The following LRRC4C variants were observed in gnomAD, a reference collection of about 807,000 sequenced individuals.
The protein encoded by LRRC4C is leucine rich repeat containing 4C.
Under a neutral mutation model 33.6 loss-of-function variants are expected in LRRC4C, and 5 were observed. That is an observed-to-expected ratio of 0.15 (90% CI 0.08 to 0.31). The LOEUF is 0.31. LRRC4C is among the 10% of genes least tolerant of loss of function. The probability of loss-of-function intolerance (pLI) is 1.00; values close to 1 mark genes in which losing one functional copy is unlikely to be tolerated. For synonymous variants in LRRC4C, 329 were observed against 302.0 expected (o/e 1.09, Z -0.93); for missense variants, 560 against 796.7 (o/e 0.70, Z 3.58).
In LRRC4C at chr11:41,058,889, A is replaced by G. The variant is rs376372036; in HGVS notation, c.-495-125166T>C. On this transcript the variant is annotated intron_variant, in intron 1 of 6. Transcript: ENST00000528697. ...ATATTATGCAGCCATAAAAATGGAG[A>G]TCATGTTGTTTGCAGGAATGTGAAT... 3.9e-5 allele frequency among the ~76,000 whole-genome samples: 6 copies of G among 152,328 alleles called. No individual in the cohort carries two copies. In the South Asian group the frequency reaches 6.2e-4, roughly 16 times the overall value.
chr11:41,209,036 T>C (rs1946713157), intron 1 of LRRC4C, among the ~76,000 whole-genome samples: 2 of 150,976 alleles, frequency 1.3e-5, no homozygotes, highest in African/African-American at 4.9e-5. Context: ...TAGGGGCCTA[T>C]TTGAAGGGGA....
chr11:41,309,724 C>G (rs1950596941), intron 1 of LRRC4C, among the ~76,000 whole-genome samples: 1 of 152,212 alleles, frequency 6.6e-6, no homozygotes. Context: ...TCCCTGCACA[C>G]TTCAAAGCCT....
At chr11:40,711,161 C>T (rs569753680) in intron 2 of LRRC4C, among the ~76,000 whole-genome samples, 10 of 152,298 alleles carry the variant, frequency 6.6e-5, no homozygotes, top group South Asian at 2.1e-4. Context: ...GGTGAAGTGA[C>T]GCCCTGCTCT....
intron 3 of LRRC4C, among the ~76,000 whole-genome samples, chr11:40,375,721 T>C (rs903021532): frequency 3.9e-5 from 6 of 152,150 alleles, no homozygotes; most frequent in African/African-American, 1.4e-4. Context: ...TACATATAGA[T>C]TAACCAACAT....
At chr11:40,176,926 G>T (rs2135481438) in intron 5 of LRRC4C, among the ~76,000 whole-genome samples, 1 of 138,508 alleles carries the variant, frequency 7.2e-6, no homozygotes, top group Admixed American at 7.6e-5. Flanking sequence ...TGTTCTGCCA[G>T]AGTCTTTTTT....
chr11:41,130,171 T>C (rs1380340712), intron 1 of LRRC4C, among the ~76,000 whole-genome samples: 1 of 151,976 alleles, frequency 6.6e-6, no homozygotes, highest in African/African-American at 2.4e-5. Context: ...ATTCTTATTG[T>C]CACTTTCATC....
intron 2 of LRRC4C, among the ~76,000 whole-genome samples, chr11:40,723,579 A>G (rs1185983788): frequency 6.6e-6 from 1 of 152,220 alleles, no homozygotes; most frequent in Non-Finnish European, 1.5e-5. Flanking sequence ...TGTTACCACT[A>G]GACTGGCCTT....
At chr11:41,098,199 G>C (rs1940939564) in intron 1 of LRRC4C, among the ~76,000 whole-genome samples, 1 of 152,176 alleles carries the variant, frequency 6.6e-6, no homozygotes, top group African/African-American at 2.4e-5. Context: ...TGAGAAGATA[G>C]GCATATGATT....
intron 3 of LRRC4C, among the ~76,000 whole-genome samples, chr11:40,587,915 A>G (rs1254434882): frequency 5.3e-5 from 8 of 152,194 alleles, no homozygotes; most frequent in Admixed American, 5.2e-4. Context: ...AATGTTCCTC[A>G]GGGATATTGG....
chr11:41,361,143 A>C (rs1310892186), intron 1 of LRRC4C, among the ~76,000 whole-genome samples: 1 of 152,206 alleles, frequency 6.6e-6, no homozygotes, highest in Non-Finnish European at 1.5e-5. Context: ...TACACCAGGC[A>C]TGAGTGGATA....
intron 3 of LRRC4C, among the ~76,000 whole-genome samples, chr11:40,472,092 A>G (rs1952970057): frequency 6.6e-6 from 1 of 150,768 alleles, no homozygotes; most frequent in Non-Finnish European, 1.5e-5. Context: ...CCTGGCTAAC[A>G]TGGTGAAACC....
chr11:41,218,466 C>T (rs1417197913), intron 1 of LRRC4C, among the ~76,000 whole-genome samples: 3 of 152,118 alleles, frequency 2.0e-5, no homozygotes, highest in Admixed American at 2.0e-4. Flanking sequence ...TGCACCTGAC[C>T]CTGTGATGCA....
chr11:40,416,127 G>C (rs1950315981), intron 3 of LRRC4C, among the ~76,000 whole-genome samples: 2 of 152,072 alleles, frequency 1.3e-5, no homozygotes, highest in African/African-American at 4.8e-5. Context: ...GAGAAAGAGA[G>C]GGAAAACCTT....
chr11:41,272,892 C>T (rs781080291), intron 1 of LRRC4C, among the ~76,000 whole-genome samples: 2 of 152,058 alleles, frequency 1.3e-5, no homozygotes, highest in African/African-American at 4.8e-5. Flanking sequence ...TATCTGTGAC[C>T]AGCTGCATGA....
chr11:41,090,956 T>C (rs1227747514), intron 1 of LRRC4C, among the ~76,000 whole-genome samples: 1 of 151,172 alleles, frequency 6.6e-6, no homozygotes, highest in Non-Finnish European at 1.5e-5. Flanking sequence ...CAGTTCTTTA[T>C]AGCATTGTGA....
At chr11:41,136,527 T>C (rs7107902) in intron 1 of LRRC4C, among the ~76,000 whole-genome samples, 1,872 of 152,254 alleles carry the variant, frequency 0.012, 34 homozygotes, top group African/African-American at 0.041. Flanking sequence ...AATTGAAAGA[T>C]GTTAAGTTGG....
In LRRC4C at chr11:40,248,510, C is replaced by T. The variant is rs1396189613; in HGVS notation, c.-175-6912G>A. 4.6e-5 allele frequency among the ~76,000 whole-genome samples: 7 copies of T among 152,006 alleles called. No individual in the cohort carries two copies. In the East Asian group the frequency reaches 9.7e-4, roughly 21 times the overall value. ...CTTTAGGAGGCCAAGGAGGAAGTAT[C>T]GTTTGAGGCCAAAAGTTTGAGATCA... On this transcript the variant is annotated intron_variant, in intron 4 of 6. Coordinates refer to ENST00000528697, the MANE Select transcript of LRRC4C (RefSeq NM_001258419.2).
intron 3 of LRRC4C, among the ~76,000 whole-genome samples, chr11:40,510,003 C>G (rs1955231475): frequency 6.6e-6 from 1 of 151,946 alleles, no homozygotes; most frequent in African/African-American, 2.4e-5. Context: ...CACTTTAGGT[C>G]AGGTAATTTA....
chr11:40,494,293 T>C (rs1024689397), intron 3 of LRRC4C, among the ~76,000 whole-genome samples: 1 of 152,214 alleles, frequency 6.6e-6, no homozygotes, highest in Non-Finnish European at 1.5e-5. Flanking sequence ...TATTTGTCTT[T>C]TATATTATAT....
Sources: allele counts gnomAD v4.1 joint callset (sites outside exome capture counted in the v4.1 genomes callset), GRCh38; gene constraint gnomAD v4.1.1; transcripts MANE v1.5; gene names NCBI Gene and HGNC (gene_info 2026-07-23, HGNC 2026-07-21).